The following MINDY2 variants were observed in gnomAD, a reference collection of about 807,000 sequenced individuals.
MINDY2 encodes ubiquitin carboxyl-terminal hydrolase MINDY-2.
A neutral mutation model predicts 68.2 loss-of-function variants in MINDY2; 52 were observed. The observed-to-expected ratio is 0.76, with a 90% confidence interval of 0.61 to 0.96. The LOEUF is 0.96. Ranked by LOEUF, MINDY2 falls within the 40% of genes least tolerant of loss-of-function variation. MINDY2 has a pLI of 0.00. For missense variants in MINDY2, 881 were observed against 773.4 expected, an observed-to-expected ratio of 1.14 and a Z score of -1.65; for synonymous variants, 372 against 303.0, an observed-to-expected ratio of 1.23 and a Z score of -2.36.
At chr15:58,847,238 T>C (rs1243552946) in intron 6 of MINDY2, 59 bp from the exon 7 acceptor site, 2 of 1,332,660 alleles carry the variant, frequency 1.5e-6, no homozygotes, top group African/African-American at 1.5e-5. Context: ...TCCTTAAATA[T>C]TATATTACTA....
intron 2 of MINDY2, among the ~76,000 whole-genome samples, chr15:58,793,328 T>G (rs1193155882): frequency 1.3e-5 from 2 of 152,250 alleles, no homozygotes; most frequent in Middle Eastern, 3.4e-3. Context: ...GGCACATGCC[T>G]GTAGTCCCAG....
intron 4 of MINDY2, among the ~76,000 whole-genome samples, chr15:58,819,719 G>C (rs1325957507): frequency 1.3e-5 from 2 of 152,144 alleles, no homozygotes; most frequent in Non-Finnish European, 2.9e-5. Flanking sequence ...TACTGAAGTT[G>C]AGTCACTAAT....
intron 2 of MINDY2, among the ~76,000 whole-genome samples, chr15:58,792,437 C>G (rs1404013332): frequency 6.6e-6 from 1 of 152,200 alleles, no homozygotes; most frequent in Non-Finnish European, 1.5e-5. Context: ...AAAACCCCGT[C>G]TCTACTAAGA....
At chr15:58,840,585 G>A (rs191211348) in intron 6 of MINDY2, among the ~76,000 whole-genome samples, 51 of 150,482 alleles carry the variant, frequency 3.4e-4, no homozygotes, top group Non-Finnish European at 5.8e-4. Context: ...TAAACTGGGC[G>A]GATCCTCTTT....
intron 1 of MINDY2, among the ~76,000 whole-genome samples, chr15:58,785,135 CAAAA>C (rs397719705): frequency 1.5e-5 from 1 of 68,470 alleles, no homozygotes; most frequent in African/African-American, 5.8e-5. Flanking sequence ...TGAAGGAAAG[CAAAA>C]AAAAAAAAAA....
At chr15:58,836,848 G>A (rs2032020876) in intron 6 of MINDY2, among the ~76,000 whole-genome samples, 1 of 151,982 alleles carries the variant, frequency 6.6e-6, no homozygotes, top group Admixed American at 6.6e-5. Context: ...TTGAGCTCCT[G>A]GGCTCAAGCA....
At chr15:58,842,025 G>C (rs1173547009) in intron 6 of MINDY2, among the ~76,000 whole-genome samples, 3 of 151,342 alleles carry the variant, frequency 2.0e-5, no homozygotes, top group African/African-American at 7.3e-5. Flanking sequence ...GATAACTTCT[G>C]CTTGCTCTTA....
intron 5 of MINDY2, among the ~76,000 whole-genome samples, chr15:58,824,445 A>ATT (rs2031259491): frequency 6.6e-6 from 1 of 152,178 alleles, no homozygotes; most frequent in African/African-American, 2.4e-5. Flanking sequence ...GAAATTCTAC[A>ATT]TACCATATTT....
intron 6 of MINDY2, among the ~76,000 whole-genome samples, chr15:58,845,204 G>C (rs180889119): frequency 6.6e-6 from 1 of 152,110 alleles, no homozygotes; most frequent in East Asian, 1.9e-4. Flanking sequence ...TCAGGAATTC[G>C]AGACCAGCCT....
intron 6 of MINDY2, among the ~76,000 whole-genome samples, chr15:58,834,105 A>T (rs1381405164): frequency 6.6e-6 from 1 of 152,194 alleles, no homozygotes; most frequent in Non-Finnish European, 1.5e-5. Context: ...CACCCTGCAC[A>T]GCCCTTAATC....
chr15:58,789,331 C>T (rs889743824), intron 2 of MINDY2, among the ~76,000 whole-genome samples: 5 of 152,212 alleles, frequency 3.3e-5, no homozygotes, highest in African/African-American at 1.2e-4. Context: ...GAGCGAGACT[C>T]CGTCTCAAAA....
intron 4 of MINDY2, chr15:58,815,260 C>T (rs2030601854): frequency 6.6e-6 from 1 of 152,034 alleles, no homozygotes. Flanking sequence ...TAAATCCTTC[C>T]CTTTACCCTT....
chr15:58,775,177 G>C (rs1900699624), intron 1 of MINDY2, among the ~76,000 whole-genome samples: 1 of 152,298 alleles, frequency 6.6e-6, no homozygotes, highest in East Asian at 1.9e-4. Context: ...CGCTCTGTCA[G>C]TTAATGCAAT....
intron 4 of MINDY2, among the ~76,000 whole-genome samples, chr15:58,812,436 CAAAA>C (rs200958606): frequency 9.6e-6 from 1 of 104,212 alleles, no homozygotes; most frequent in Admixed American, 1.1e-4. Context: ...CGGTCCGTCT[CAAAA>C]AAAAAAAAAA....
chr15:58,788,413 C>T (rs1438173467), intron 2 of MINDY2, among the ~76,000 whole-genome samples: 35 of 152,158 alleles, frequency 2.3e-4, no homozygotes, highest in Admixed American at 2.3e-3. Context: ...GAATCTTCTC[C>T]TAGGATGTAA....
intron 2 of MINDY2, among the ~76,000 whole-genome samples, chr15:58,794,147 G>A (rs1266673712): frequency 6.6e-6 from 1 of 151,910 alleles, no homozygotes; most frequent in Non-Finnish European, 1.5e-5. Context: ...AAGGTATGAA[G>A]GTGTGTATAG....
intron 2 of MINDY2, among the ~76,000 whole-genome samples, chr15:58,798,086 T>C (rs1902400415): frequency 6.6e-6 from 1 of 152,142 alleles, no homozygotes; most frequent in Non-Finnish European, 1.5e-5. Flanking sequence ...GATGTAATAT[T>C]TGAAAGTTCC....
intron 6 of MINDY2, among the ~76,000 whole-genome samples, chr15:58,839,322 TTTTG>T (rs57863736): frequency 6.7e-6 from 1 of 148,754 alleles, no homozygotes; most frequent in Non-Finnish European, 1.5e-5. Context: ...TAGACTGTTT[TTTTG>T]TTTGTTTGTT....
chr15:58,809,778 C>A (rs553772600), intron 3 of MINDY2, among the ~76,000 whole-genome samples: 3 of 152,214 alleles, frequency 2.0e-5, no homozygotes, highest in Non-Finnish European at 4.4e-5. Flanking sequence ...TGGACTTTGT[C>A]TTGTTTTGTT....
Sources: allele counts gnomAD v4.1 joint callset (sites outside exome capture counted in the v4.1 genomes callset), GRCh38; gene constraint gnomAD v4.1.1; transcripts MANE v1.5; gene names NCBI Gene and HGNC (gene_info 2026-07-23, HGNC 2026-07-21).